The following ACBD5 variants were observed in gnomAD, a reference collection of about 807,000 sequenced individuals.
The protein encoded by ACBD5 is acyl-CoA binding domain containing 5.
ACBD5 carries 40 observed loss-of-function variants against 71.8 expected under a neutral mutation model. The observed-to-expected ratio is 0.56, with a 90% CI of 0.43 to 0.72. ACBD5 has a LOEUF of 0.72. Among genes scored for constraint, ACBD5 ranks in the 30% least tolerant of loss-of-function variants. The pLI is 0.00. For missense variants in ACBD5, 559 were observed against 644.5 expected (o/e 0.87, Z 1.44); for synonymous variants, 229 against 218.6 (o/e 1.05, Z -0.42).
At chr10:27,204,716 C>T (rs750121935) in intron 11 of ACBD5, among the ~76,000 whole-genome samples, 167 bp from the exon 12 acceptor site, 2 of 152,174 alleles carry the variant, frequency 1.3e-5, no homozygotes, top group Non-Finnish European at 2.9e-5. Flanking sequence ...ATTCAGGAAA[C>T]AGGCTTTCAG....
At chr10:27,208,512 C>A in intron 9 of ACBD5, 67 bp from the exon 10 acceptor site, 1 of 1,547,592 alleles carries the variant, frequency 6.5e-7, no homozygotes, top group Non-Finnish European at 8.9e-7. Flanking sequence ...GTGTTTTATT[C>A]ATTTTCCTCT....
chr10:27,190,758 G>A (rs73598043), downstream of ACBD5, among the ~76,000 whole-genome samples: 821 of 152,276 alleles, frequency 5.4e-3, 10 homozygotes, highest in African/African-American at 0.019. Context: ...TTTGAAGGAA[G>A]GAGACTGAAT....
downstream of ACBD5, chr10:27,195,132 TACTTTATGTGCG>T: frequency 3.5e-6 from 1 of 289,774 alleles, no homozygotes; most frequent in South Asian, 3.3e-5. Context: ...GAGTCATAAT[TACTTTATGTGCG>T]ACTACTACTT....
intron 3 of ACBD5, among the ~76,000 whole-genome samples, chr10:27,234,320 G>A (rs2064329086): frequency 6.6e-6 from 1 of 152,022 alleles, no homozygotes; most frequent in South Asian, 2.1e-4. Context: ...CAGTAGGTCA[G>A]AAGTGACAGC....
chr10:27,238,270 C>T (rs1490627056), intron 2 of ACBD5, among the ~76,000 whole-genome samples: 2 of 152,228 alleles, frequency 1.3e-5, no homozygotes, highest in African/African-American at 4.8e-5. Context: ...AGCCACCGCA[C>T]CCGGCCGATA....
chr10:27,201,637 T>C (rs535346112), intron 12 of ACBD5, among the ~76,000 whole-genome samples: 2 of 152,252 alleles, frequency 1.3e-5, no homozygotes, highest in Admixed American at 1.3e-4. Context: ...ACCCTGTCTC[T>C]ACTAAAAATA....
intron 12 of ACBD5, among the ~76,000 whole-genome samples, chr10:27,200,743 G>A (rs1031894581): frequency 6.6e-6 from 1 of 152,186 alleles, no homozygotes; most frequent in African/African-American, 2.4e-5. Flanking sequence ...ACAGGCGTGA[G>A]CCACCGCGTC....
At chr10:27,219,612 T>C in intron 6 of ACBD5, 111 bp downstream of exon 6, 1 of 1,454,780 alleles carries the variant, frequency 6.9e-7, no homozygotes, top group Non-Finnish European at 9.6e-7. Context: ...GGTCAACAGC[T>C]TACATCCCAC....
At chr10:27,224,752 C>T (rs903011957) in intron 4 of ACBD5, among the ~76,000 whole-genome samples, 25 of 152,254 alleles carry the variant, frequency 1.6e-4, no homozygotes, top group East Asian at 9.7e-4. Flanking sequence ...TAACAGGGGC[C>T]GGGCGTGGTG....
At chr10:27,203,124 A>C (rs1159842803) in intron 12 of ACBD5, among the ~76,000 whole-genome samples, 2 of 151,444 alleles carry the variant, frequency 1.3e-5, no homozygotes, top group African/African-American at 4.9e-5. Context: ...AGAGGTGTGC[A>C]CCACCAACCT....
chr10:27,221,533 T>A (rs2062331397), intron 5 of ACBD5, among the ~76,000 whole-genome samples: 1 of 152,202 alleles, frequency 6.6e-6, no homozygotes, highest in Non-Finnish European at 1.5e-5. Flanking sequence ...AATATCTGCC[T>A]CTGGCCAGTG....
chr10:27,194,798 C>T (rs186777841), downstream of ACBD5, among the ~76,000 whole-genome samples: 5 of 151,748 alleles, frequency 3.3e-5, no homozygotes, highest in Non-Finnish European at 7.4e-5. Context: ...GAGATGGAAA[C>T]CATCCTGGCC....
intron 4 of ACBD5, among the ~76,000 whole-genome samples, chr10:27,224,202 C>CAAA (rs35272279): frequency 0.063 from 7,790 of 124,462 alleles, 463 homozygotes; most frequent in African/African-American, 0.17. Context: ...CCCATTTCTA[C>CAAA]AAAAAAAAAA....
At chr10:27,194,978 G>A (rs1369474795), downstream of ACBD5, among the ~76,000 whole-genome samples, 1 of 152,142 alleles carries the variant, frequency 6.6e-6, no homozygotes, top group African/African-American at 2.4e-5. Flanking sequence ...CCTGGCAACA[G>A]AGCGAGACTC....
chr10:27,191,508 G>A (rs1564522379), downstream of ACBD5, among the ~76,000 whole-genome samples: 1 of 152,198 alleles, frequency 6.6e-6, no homozygotes, highest in Non-Finnish European at 1.5e-5. Context: ...AAGAGGTTGT[G>A]CAGGTGGGGC....
chr10:27,200,757 C>G (rs926412948), intron 12 of ACBD5, among the ~76,000 whole-genome samples: 2 of 152,154 alleles, frequency 1.3e-5, no homozygotes, highest in Non-Finnish European at 2.9e-5. Context: ...CCGCGTCCGG[C>G]CTATTCCTCT....
intron 10 of ACBD5, among the ~76,000 whole-genome samples, chr10:27,207,801 C>A (rs117800913): frequency 6.6e-6 from 1 of 151,108 alleles, no homozygotes; most frequent in African/African-American, 2.4e-5. Flanking sequence ...GTAGTGTGAT[C>A]TCGGCTCACT....
At position 27,205,758 on chromosome 10, in the gene ACBD5, G is replaced by A. The variant is rs1275002477; in HGVS notation, c.1405-510C>T. ...TTGGCCAGGCTGGTCTCGAACTCCC[G>A]ACCTCAGGTGATCCACCCACCTCAG... is the stretch of plus-strand genomic sequence containing the variant. On this transcript the variant is annotated intron_variant, in intron 10 of 12. Coordinates refer to ENST00000396271, the MANE Select transcript of ACBD5 (RefSeq NM_145698.5). Among the ~76,000 whole-genome samples, 12 of 151,526 alleles carry A rather than the reference G, an allele frequency of 7.9e-5. No homozygotes were observed. In the South Asian group the frequency reaches 1.0e-3, roughly 13 times the overall value.
chr10:27,223,508 C>T (rs1240497134), intron 4 of ACBD5, 56 bp from the exon 5 acceptor site: 9 of 1,236,010 alleles, frequency 7.3e-6, no homozygotes, highest in Non-Finnish European at 8.3e-6. Flanking sequence ...TTGATCTCCA[C>T]TAATATCAAA....
Sources: gnomAD v4.1 joint callset for allele counts (sites outside exome capture counted in the v4.1 genomes callset) on GRCh38, gnomAD v4.1.1 for gene constraint, MANE v1.5 for transcripts, NCBI Gene and HGNC (gene_info 2026-07-23, HGNC 2026-07-21) for gene names.